Variants in LSM14A observed in about 807,000 individuals in gnomAD.
LSM14A encodes the protein protein LSM14 homolog A.
Under a neutral mutation model 52.4 loss-of-function variants are expected in LSM14A, and 14 were observed. That is an observed-to-expected ratio of 0.27 (90% CI 0.18 to 0.42). The LOEUF (loss-of-function observed/expected upper bound fraction) is 0.42, where lower values mean the gene tolerates loss of function less well. Among genes scored for constraint, LSM14A ranks in the 10% least tolerant of loss-of-function variants. The pLI, the probability that LSM14A is intolerant of heterozygous loss-of-function variation, is 1.00. For missense variants in LSM14A, 417 were observed against 581.8 expected, an observed-to-expected ratio of 0.72 and a Z score of 2.91; for synonymous variants, 185 against 200.3, an observed-to-expected ratio of 0.92 and a Z score of 0.64.
At chr19:34,209,963 C>T (rs1338267570) in intron 4 of LSM14A, among the ~76,000 whole-genome samples, 1 of 152,150 alleles carries the variant, frequency 6.6e-6, no homozygotes, top group Non-Finnish European at 1.5e-5. Flanking sequence ...AACAAGCCTC[C>T]CACTTTAGCT....
chr19:34,208,816 C>G (rs2071903679), intron 3 of LSM14A, 113 bp from the exon 4 acceptor site: 3 of 691,824 alleles, frequency 4.3e-6, no homozygotes, highest in Non-Finnish European at 7.0e-6. Flanking sequence ...TGTACAGATG[C>G]TGGGGGGAGA....
chr19:34,202,479 C>A (rs1254291687), intron 3 of LSM14A, among the ~76,000 whole-genome samples: 1 of 149,544 alleles, frequency 6.7e-6, no homozygotes, highest in African/African-American at 2.5e-5. Flanking sequence ...GGAAACAGAG[C>A]CAGACTGTGT....
Position 34,221,564 on chromosome 19 carries a change from C to T in LSM14A, c.1194C>T (p.Ile398=). 1 of 1,614,118 alleles carries T rather than the reference C, an allele frequency of 6.2e-7. No individual in the cohort carries two copies. Among genetic ancestry groups the T allele is most frequent in the South Asian group, 1.1e-5 (1 of 91,076 alleles). ...GATTAAATGCTGAAACATTTGGAAT[C>T]CCACTTCGTCCAAACCGTGGCCGTG... ...ERRLNAETFG[I]PLRPNRGRGG... is the part of the protein sequence containing the mutation. The change falls in exon 9 of 10, where the codon ATC becomes ATT. Residue 398 remains isoleucine, a synonymous_variant. Transcript: ENST00000544216.
chr19:34,194,720 A>G, intron 2 of LSM14A, 79 bp downstream of exon 2: 2 of 1,272,166 alleles, frequency 1.6e-6, no homozygotes, highest in Middle Eastern at 3.7e-4. Flanking sequence ...CTCTAGTTGA[A>G]TGTTCATGTA....
chr19:34,198,847 C>T (rs1255035785), intron 3 of LSM14A, among the ~76,000 whole-genome samples: 2 of 151,248 alleles, frequency 1.3e-5, no homozygotes, highest in African/African-American at 4.9e-5. Context: ...ATTAGCCGGG[C>T]GTGGTGGTGG....
intron 2 of LSM14A, 84 bp downstream of exon 2, chr19:34,194,725 C>A: frequency 2.4e-6 from 3 of 1,232,212 alleles, no homozygotes; most frequent in South Asian, 1.3e-5. Flanking sequence ...GTTGAATGTT[C>A]ATGTAGCTTA....
chr19:34,172,697 G>C lies in LSM14A; in HGVS notation c.55G>C (p.Glu19Gln). 6.3e-7 allele frequency: 1 copy of C among 1,581,572 alleles called. No individual in the cohort carries two copies. Residue 19 changes from glutamate (E) to glutamine (Q), a missense_variant, in exon 1 of 10, where the codon GAG becomes CAG. By Grantham distance (29) the Glu-to-Gln change is conservative. Around this residue, in one of 2 missense-constraint regions of LSM14A, gnomAD observed 60 missense variants for 124.8 expected, o/e 0.48. Coordinates refer to ENST00000544216, the MANE Select transcript of LSM14A (RefSeq NM_015578.4). ...CAAGATCAGCCTCATCTCCAAGGCG[G>C]AGATCCGCTACGAGGGCATCCTCTA... ...GSKISLISKA[E>Q]IRYEGILYTI...
intron 4 of LSM14A, among the ~76,000 whole-genome samples, chr19:34,212,664 AGT>A (rs1033359169): frequency 6.6e-6 from 1 of 152,204 alleles, no homozygotes; most frequent in Non-Finnish European, 1.5e-5. Flanking sequence ...AGCTCAAGGG[AGT>A]GTGTCTATAA....
chr19:34,211,316 A>G (rs547150408), intron 4 of LSM14A, among the ~76,000 whole-genome samples: 10 of 152,126 alleles, frequency 6.6e-5, no homozygotes, highest in African/African-American at 2.4e-4. Flanking sequence ...AAAAAATTTA[A>G]TAGTCCTAAA....
chr19:34,226,321 T>C, intron 9 of LSM14A: 1 of 1,259,792 alleles, frequency 7.9e-7, no homozygotes, highest in Non-Finnish European at 1.1e-6. Context: ...ATGCTCTCTC[T>C]CCTCTCCCCC....
chr19:34,174,666 A>T (rs928103389), intron 1 of LSM14A, among the ~76,000 whole-genome samples: 4 of 152,204 alleles, frequency 2.6e-5, no homozygotes, highest in Admixed American at 6.5e-5. Context: ...TATTTTTTAT[A>T]CAATAGTTAC....
intron 1 of LSM14A, among the ~76,000 whole-genome samples, chr19:34,173,752 C>T (rs1433687105): frequency 6.6e-6 from 1 of 152,084 alleles, no homozygotes; most frequent in African/African-American, 2.4e-5. Flanking sequence ...GGTGATTTTC[C>T]CAGCACTTCT....
chr19:34,202,134 T>TG (rs927548842), intron 3 of LSM14A, among the ~76,000 whole-genome samples: 1 of 151,576 alleles, frequency 6.6e-6, no homozygotes, highest in Non-Finnish European at 1.5e-5. Flanking sequence ...AAGTTTTTTT[T>TG]TTTTTTTTTT....
chr19:34,202,484 CTG>C (rs1337007509), intron 3 of LSM14A, among the ~76,000 whole-genome samples: 2 of 146,380 alleles, frequency 1.4e-5, no homozygotes, highest in Non-Finnish European at 3.0e-5. Context: ...CAGAGCCAGA[CTG>C]TGTCTCAAAA....
intron 1 of LSM14A, among the ~76,000 whole-genome samples, chr19:34,186,148 C>G (rs1027190438): frequency 6.6e-6 from 1 of 152,156 alleles, no homozygotes; most frequent in Non-Finnish European, 1.5e-5. Flanking sequence ...CAAAGATGAT[C>G]TAGATACAGA....
intron 9 of LSM14A, 115 bp downstream of exon 9, chr19:34,221,853 C>T (rs2073087750): frequency 2.1e-6 from 3 of 1,450,036 alleles, no homozygotes; most frequent in Admixed American, 2.7e-5. Context: ...GAATAACTTC[C>T]ATTTTGACTT....
intron 3 of LSM14A, among the ~76,000 whole-genome samples, chr19:34,207,323 C>T (rs1304291294): frequency 6.6e-6 from 1 of 152,114 alleles, no homozygotes; most frequent in Non-Finnish European, 1.5e-5. Context: ...ATGTCTTGGT[C>T]ATCACCCAGG....
At chr19:34,217,699 A>T (rs1461480434) in intron 6 of LSM14A, among the ~76,000 whole-genome samples, 1 of 125,124 alleles carries the variant, frequency 8.0e-6, no homozygotes, top group Non-Finnish European at 1.6e-5. Flanking sequence ...GCACGATCTC[A>T]GCTCACTGCA....
intron 1 of LSM14A, 123 bp downstream of exon 1, chr19:34,172,886 C>T (rs1021198041): frequency 5.2e-6 from 6 of 1,162,600 alleles, no homozygotes; most frequent in Non-Finnish European, 6.9e-6. Context: ...AGGCCTCTCG[C>T]CTCCCTTCTC....
Sources: gnomAD v4.1 joint callset for allele counts (sites outside exome capture counted in the v4.1 genomes callset) on GRCh38, gnomAD v4.1.1 for gene constraint, gnomAD v4.1.1 regional missense constraint, MANE v1.5 for transcripts, NCBI Gene and HGNC (gene_info 2026-07-23, HGNC 2026-07-21) for gene names.